Variants in ASIC2 observed in about 807,000 individuals in gnomAD.
ASIC2 encodes the protein acid-sensing ion channel 2.
ASIC2 carries 25 observed loss-of-function variants against 57.3 expected under a neutral mutation model. The observed-to-expected ratio is 0.44, with a 90% confidence interval of 0.32 to 0.61. The LOEUF (loss-of-function observed/expected upper bound fraction) is 0.61. Among genes scored for constraint, ASIC2 ranks in the 20% least tolerant of loss-of-function variants. The pLI is 0.06. For synonymous variants in ASIC2, 319 were observed against 307.5 expected (o/e 1.04, Z -0.39); for missense variants, 641 against 738.1 (o/e 0.87, Z 1.52).
chr17:33,028,543 C>T, intron 3 of ASIC2, 151 bp from the exon 4 acceptor site: 1 of 1,081,870 alleles, frequency 9.2e-7, no homozygotes, highest in Non-Finnish European at 1.3e-6. Flanking sequence ...AGTTTTCTTA[C>T]CTTACTTTAA....
chr17:34,017,240 T>G (rs1249002263), intron 1 of ASIC2, among the ~76,000 whole-genome samples: 1 of 152,224 alleles, frequency 6.6e-6, no homozygotes, highest in African/African-American at 2.4e-5. Flanking sequence ...ATCGGTGACC[T>G]TTGATGTTAC....
At chr17:33,050,926 C>G (rs772722693) in intron 3 of ASIC2, among the ~76,000 whole-genome samples, 19 of 152,214 alleles carry the variant, frequency 1.2e-4, no homozygotes, top group Non-Finnish European at 2.4e-4. Context: ...CCCTGCTATG[C>G]AGATGAAGAA....
chr17:33,636,873 A>ACACC (rs1349840245), intron 1 of ASIC2, among the ~76,000 whole-genome samples: 14 of 151,564 alleles, frequency 9.2e-5, no homozygotes, highest in Non-Finnish European at 1.9e-4. Context: ...ATGCATGCAC[A>ACACC]CACACCCACA....
chr17:34,119,370 T>TA (rs1911527254), intron 1 of ASIC2, among the ~76,000 whole-genome samples: 1 of 152,246 alleles, frequency 6.6e-6, no homozygotes, highest in African/African-American at 2.4e-5. Context: ...ACAGCATAAA[T>TA]AAAAACACTG....
intron 1 of ASIC2, among the ~76,000 whole-genome samples, chr17:33,958,736 A>G (rs1222612988): frequency 2.0e-5 from 3 of 152,010 alleles, no homozygotes; most frequent in African/African-American, 7.2e-5. Context: ...CCCTGGAGAC[A>G]TTTTCCCTGT....
chr17:33,531,578 G>A (rs1173467728), intron 1 of ASIC2, among the ~76,000 whole-genome samples: 4 of 152,158 alleles, frequency 2.6e-5, no homozygotes, highest in Non-Finnish European at 5.9e-5. Context: ...TGGAGTCACT[G>A]CTAAAAATTC....
At chr17:34,022,842 C>G (rs1415424308) in intron 1 of ASIC2, among the ~76,000 whole-genome samples, 1 of 152,196 alleles carries the variant, frequency 6.6e-6, no homozygotes, top group African/African-American at 2.4e-5. Context: ...AGGTCCAAAT[C>G]TCATGTCAAA....
intron 1 of ASIC2, chr17:33,794,091 C>T (rs982495821): frequency 1.3e-5 from 2 of 152,198 alleles, no homozygotes; most frequent in Non-Finnish European, 2.9e-5. Context: ...TCAAAATTAA[C>T]TTGCAAAGCT....
intron 1 of ASIC2, among the ~76,000 whole-genome samples, chr17:33,870,284 T>C (rs1307270644): frequency 9.7e-6 from 1 of 102,916 alleles, no homozygotes; most frequent in Non-Finnish European, 2.1e-5. Context: ...CTCTCTGTGG[T>C]TGCTGTTTGG....
intron 1 of ASIC2, among the ~76,000 whole-genome samples, chr17:34,027,852 C>T (rs1907436354): frequency 6.6e-6 from 1 of 152,196 alleles, no homozygotes; most frequent in Non-Finnish European, 1.5e-5. Flanking sequence ...AGCAGGCTCA[C>T]AGTAGGTTTT....
At chr17:33,484,045 AG>A (rs1164560817) in intron 1 of ASIC2, among the ~76,000 whole-genome samples, 1 of 152,182 alleles carries the variant, frequency 6.6e-6, no homozygotes, top group Non-Finnish European at 1.5e-5. Flanking sequence ...AAGCTGAAAA[AG>A]GCAAAGAAAC....
At chr17:34,074,782 CTTTT>C (rs35010578) in intron 1 of ASIC2, among the ~76,000 whole-genome samples, 4 of 113,936 alleles carry the variant, frequency 3.5e-5, no homozygotes, top group Admixed American at 9.2e-5. Context: ...TTCTTTCTTT[CTTTT>C]TTTTTTTTTT....
chr17:33,631,878 A>G (rs983066710), intron 1 of ASIC2, among the ~76,000 whole-genome samples: 1 of 152,212 alleles, frequency 6.6e-6, no homozygotes, highest in African/African-American at 2.4e-5. Flanking sequence ...AAGAAAGATA[A>G]GAGGGTATGG....
chr17:33,080,075 G>C (rs1024572393), intron 3 of ASIC2, among the ~76,000 whole-genome samples: 1 of 152,134 alleles, frequency 6.6e-6, no homozygotes, highest in African/African-American at 2.4e-5. Context: ...GGTCCAGGCT[G>C]GGGTGGCAGT....
chr17:33,527,843 A>G (rs530820342), intron 1 of ASIC2, among the ~76,000 whole-genome samples: 27 of 152,240 alleles, frequency 1.8e-4, no homozygotes, highest in Admixed American at 1.0e-3. Flanking sequence ...AGAGACCTGG[A>G]GCAAATCACT....
At chr17:33,708,750 C>A (rs575134640) in intron 1 of ASIC2, among the ~76,000 whole-genome samples, 1 of 152,260 alleles carries the variant, frequency 6.6e-6, no homozygotes, top group Non-Finnish European at 1.5e-5. Context: ...TTTCCTCTCC[C>A]AAATCACAAT....
At chr17:33,820,618 A>G (rs1912714506) in intron 1 of ASIC2, among the ~76,000 whole-genome samples, 1 of 151,806 alleles carries the variant, frequency 6.6e-6, no homozygotes, top group Non-Finnish European at 1.5e-5. Context: ...ACAAAGCTAA[A>G]GAGTATTAAA....
chr17:33,824,121 C>T (rs557898245), intron 1 of ASIC2, among the ~76,000 whole-genome samples: 5 of 152,256 alleles, frequency 3.3e-5, no homozygotes, highest in East Asian at 1.9e-4. Flanking sequence ...GGGAGAGGAG[C>T]AATGGGGATG....
intron 1 of ASIC2, among the ~76,000 whole-genome samples, chr17:33,656,510 C>T (rs1178652286): frequency 6.6e-6 from 1 of 152,220 alleles, no homozygotes; most frequent in Non-Finnish European, 1.5e-5. Context: ...CTCAGCAAGT[C>T]TGAAGTATGC....
Sources: gnomAD v4.1 joint callset for allele counts (sites outside exome capture counted in the v4.1 genomes callset) on GRCh38, gnomAD v4.1.1 for gene constraint, MANE v1.5 for transcripts, NCBI Gene and HGNC (gene_info 2026-07-23, HGNC 2026-07-21) for gene names.